The following NOL4L variants were observed in gnomAD, a reference collection of about 807,000 sequenced individuals.
The protein encoded by NOL4L is nucleolar protein 4 like.
NOL4L carries 7 observed loss-of-function variants against 64.5 expected under a neutral mutation model. That is an observed-to-expected ratio of 0.11 (90% confidence interval 0.06 to 0.20). NOL4L has a LOEUF of 0.20. NOL4L is among the 10% of genes least tolerant of loss of function. The pLI is 1.00. For synonymous variants in NOL4L, 413 were observed against 401.0 expected (o/e 1.03, Z -0.36); for missense variants, 680 against 967.1 (o/e 0.70, Z 3.94).
At chr20:32,481,341 G>A (rs981512241) in intron 4 of NOL4L, among the ~76,000 whole-genome samples, 3 of 152,218 alleles carry the variant, frequency 2.0e-5, no homozygotes, top group Admixed American at 2.0e-4. Context: ...AGCTTCAGCA[G>A]ACAGGGATCT....
intron 1 of NOL4L, among the ~76,000 whole-genome samples, chr20:32,580,968 G>A (rs1237433457): frequency 6.6e-6 from 1 of 152,248 alleles, no homozygotes; most frequent in East Asian, 1.9e-4. Context: ...ATGCCGGAAC[G>A]GAATTGGAGG....
Position 32,584,567 on chromosome 20 carries a change from C to T in NOL4L, c.321+3G>A. ...CGCCCGCGGCCGCCGCGCGCGCACT[C>T]ACCGAGCCCGTCTTGACCGGCACAT... is the stretch of plus-strand genomic sequence containing the variant. On this transcript the variant is annotated splice_donor_region_variant and intron_variant, in intron 1 of 10. Coordinates refer to ENST00000621426, the MANE Select transcript of NOL4L (RefSeq NM_001256798.2). 2.8e-6 allele frequency: 4 copies of T among 1,404,788 alleles called. No individual in the cohort carries two copies. Among genetic ancestry groups the T allele is most frequent in the Non-Finnish European group, 3.8e-6 (4 of 1,066,008 alleles). 87.0% of individuals were successfully genotyped at this position (1,404,788 alleles called of 1,614,324 possible).
chr20:32,483,440 T>C, intron 4 of NOL4L: 1 of 990,312 alleles, frequency 1.0e-6, no homozygotes, highest in Non-Finnish European at 1.2e-6. Flanking sequence ...GCCCCACAGC[T>C]CCAGCTGCTG....
intron 1 of NOL4L, chr20:32,573,544 T>A (rs1197519094): frequency 6.5e-6 from 1 of 153,650 alleles, no homozygotes; most frequent in Non-Finnish European, 1.5e-5. Flanking sequence ...AGGGCTTGAC[T>A]GTCCACACCT....
chr20:32,494,158 C>G (rs2016573594), intron 4 of NOL4L, among the ~76,000 whole-genome samples: 2 of 144,582 alleles, frequency 1.4e-5, no homozygotes, highest in African/African-American at 5.2e-5. Context: ...GAGGCTGAGA[C>G]AGGAGAATCA....
At chr20:32,578,138 A>AGGAAGGAAGGAAGGAGGGAGGGAGGGAG (rs1211282817) in intron 1 of NOL4L, among the ~76,000 whole-genome samples, 2 of 50,246 alleles carry the variant, frequency 4.0e-5, no homozygotes, top group Admixed American at 2.5e-4. Context: ...GAAGGAAGGA[A>AGGAAGGAAGGAAGGAGGGAGGGAGGGAG]GGAGGGAGGG....
At chr20:32,487,280 A>C (rs1244246643) in intron 4 of NOL4L, among the ~76,000 whole-genome samples, 2 of 152,044 alleles carry the variant, frequency 1.3e-5, no homozygotes, top group South Asian at 2.1e-4. Flanking sequence ...AAAAAAATTA[A>C]AGAGAGAGAA....
chr20:32,471,023 G>A lies in NOL4L; in HGVS notation c.841+3578C>T, dbSNP rs573057133. Among the ~76,000 whole-genome samples the A allele has an allele frequency of 3.3e-5, 5 of 152,366 alleles. No individual in the cohort carries two copies. In the East Asian group the frequency reaches 9.6e-4, roughly 29 times the overall value. On this transcript the variant is annotated intron_variant, in intron 5 of 10. Transcript: ENST00000621426. The stretch of plus-strand genomic sequence containing the variant: ...ATCGCAGGGACCTGGGAGCATCCCA[G>A]GACTTCAGAGTGTGGGGAACTGGTG...
intron 4 of NOL4L, among the ~76,000 whole-genome samples, chr20:32,494,788 C>G (rs1222501760): frequency 6.6e-6 from 1 of 152,214 alleles, no homozygotes; most frequent in Non-Finnish European, 1.5e-5. Context: ...TGAGGAAAAG[C>G]CTCAATAACA....
At chr20:32,496,557 C>CTT (rs879559445) in intron 4 of NOL4L, among the ~76,000 whole-genome samples, 2 of 144,808 alleles carry the variant, frequency 1.4e-5, no homozygotes, top group African/African-American at 5.1e-5. Flanking sequence ...TTCTTTCTTT[C>CTT]TTTTTTTTTT....
intron 4 of NOL4L, among the ~76,000 whole-genome samples, chr20:32,509,003 AC>A (rs1269929452): frequency 6.6e-6 from 1 of 151,928 alleles, no homozygotes; most frequent in Non-Finnish European, 1.5e-5. Flanking sequence ...TTGGCCTGGA[AC>A]TCTCTTCCCC....
intron 4 of NOL4L, among the ~76,000 whole-genome samples, chr20:32,482,316 C>T (rs377318162): frequency 2.0e-5 from 3 of 152,160 alleles, no homozygotes; most frequent in African/African-American, 2.4e-5. Flanking sequence ...AGGAAAAGGA[C>T]GGTCTAACCT....
intron 5 of NOL4L, among the ~76,000 whole-genome samples, chr20:32,467,915 G>A (rs1048427227): frequency 5.3e-5 from 8 of 152,158 alleles, no homozygotes; most frequent in Non-Finnish European, 7.4e-5. Flanking sequence ...TGTAAATACC[G>A]AGCCCTGGGC....
At chr20:32,462,166 T>A (rs1235006059) in intron 5 of NOL4L, among the ~76,000 whole-genome samples, 1 of 152,184 alleles carries the variant, frequency 6.6e-6, no homozygotes, top group Admixed American at 6.5e-5. Context: ...GCAGGGCTGA[T>A]AGGGGGCACA....
intron 4 of NOL4L, among the ~76,000 whole-genome samples, chr20:32,509,472 T>G (rs571814025): frequency 2.3e-5 from 3 of 127,752 alleles, no homozygotes; most frequent in Non-Finnish European, 4.6e-5. Flanking sequence ...GAGCCGAGAT[T>G]GGGCCACTGC....
intron 3 of NOL4L, among the ~76,000 whole-genome samples, chr20:32,516,773 T>C (rs995251564): frequency 3.9e-5 from 6 of 152,090 alleles, no homozygotes; most frequent in Non-Finnish European, 8.8e-5. Flanking sequence ...GGGCCAGGCA[T>C]GGAGGGCCTT....
At chr20:32,542,516 C>A (rs541600113) in intron 1 of NOL4L, among the ~76,000 whole-genome samples, 4 of 152,074 alleles carry the variant, frequency 2.6e-5, no homozygotes, top group Non-Finnish European at 4.4e-5. Flanking sequence ...CTACACCTGG[C>A]TAATCTTTTT....
chr20:32,577,368 C>T (rs796165939), intron 1 of NOL4L, among the ~76,000 whole-genome samples: 15 of 152,326 alleles, frequency 9.8e-5, no homozygotes, highest in African/African-American at 3.1e-4. Context: ...CAGCGCCCTT[C>T]CTTGACCTCT....
chr20:32,532,938 C>T (rs2018396860), intron 1 of NOL4L, among the ~76,000 whole-genome samples: 1 of 152,190 alleles, frequency 6.6e-6, no homozygotes, highest in African/African-American at 2.4e-5. Flanking sequence ...ATCCAACCCC[C>T]AAACAGCCTG....
Sources: allele counts gnomAD v4.1 joint callset (sites outside exome capture counted in the v4.1 genomes callset), GRCh38; gene constraint gnomAD v4.1.1; transcripts MANE v1.5; gene names NCBI Gene and HGNC (gene_info 2026-07-23, HGNC 2026-07-21).